The following CCDC170 variants were observed in gnomAD, a reference collection of about 807,000 sequenced individuals.
CCDC170 encodes the protein coiled-coil domain containing 170, also known as coiled-coil domain-containing protein 170.
In CCDC170, 69 loss-of-function variants were observed where a neutral mutation model predicts 72.6. That is an observed-to-expected ratio of 0.95 (90% confidence interval 0.78 to 1.16). The LOEUF is 1.16. CCDC170 is among the 50% of genes most tolerant of loss of function. The pLI, the probability that CCDC170 is intolerant of heterozygous loss-of-function variation, is 0.00. For missense variants in CCDC170, 852 were observed against 832.5 expected (o/e 1.02, Z -0.29); for synonymous variants, 300 against 303.9 (o/e 0.99, Z 0.13).
chr6:151,519,718 G>A (rs980918008), intron 1 of CCDC170, among the ~76,000 whole-genome samples: 10 of 152,276 alleles, frequency 6.6e-5, no homozygotes, highest in Non-Finnish European at 1.3e-4. Context: ...TTATTCATGA[G>A]TTTTCTAGGA....
intron 5 of CCDC170, among the ~76,000 whole-genome samples, chr6:151,550,860 A>T (rs1280652590): frequency 6.6e-6 from 1 of 152,188 alleles, no homozygotes; most frequent in Non-Finnish European, 1.5e-5. Context: ...CCCACCCTCA[A>T]AACTTCATCT....
chr6:151,555,686 A>T (rs987027528), intron 5 of CCDC170, among the ~76,000 whole-genome samples: 1 of 152,214 alleles, frequency 6.6e-6, no homozygotes, highest in African/African-American at 2.4e-5. Context: ...TAGAGTCTCT[A>T]TAATTCAACT....
chr6:151,608,078 A>T (rs1644343841), intron 9 of CCDC170, among the ~76,000 whole-genome samples: 1 of 152,100 alleles, frequency 6.6e-6, no homozygotes, highest in South Asian at 2.1e-4. Context: ...AGGTTTAGAA[A>T]TTATTTCTTC....
chr6:151,572,811 C>A (rs7741872), intron 5 of CCDC170, among the ~76,000 whole-genome samples: 7 of 151,420 alleles, frequency 4.6e-5, no homozygotes, highest in South Asian at 2.1e-4. Flanking sequence ...CACTATGCCC[C>A]GCTAAGTTTT....
At chr6:151,563,664 T>G (rs1021930090) in intron 5 of CCDC170, among the ~76,000 whole-genome samples, 1 of 152,114 alleles carries the variant, frequency 6.6e-6, no homozygotes, top group Admixed American at 6.5e-5. Flanking sequence ...TGTGGGCACG[T>G]CTGTGTGAGC....
At chr6:151,616,201 T>C (rs761978535) in intron 10 of CCDC170, among the ~76,000 whole-genome samples, 1 of 152,154 alleles carries the variant, frequency 6.6e-6, no homozygotes, top group Non-Finnish European at 1.5e-5. Context: ...GCCTTATCTG[T>C]AGCAGAGATC....
At chr6:151,577,882 C>T (rs1776326833) in intron 6 of CCDC170, among the ~76,000 whole-genome samples, 1 of 152,180 alleles carries the variant, frequency 6.6e-6, no homozygotes. Context: ...CCCTGATGAT[C>T]TGAGGTGAAA....
At chr6:151,608,709 G>A (rs1279022079) in intron 9 of CCDC170, among the ~76,000 whole-genome samples, 2 of 152,168 alleles carry the variant, frequency 1.3e-5, no homozygotes, top group East Asian at 3.9e-4. Flanking sequence ...ATGCAGAGAT[G>A]AGGTGGTCCC....
intron 1 of CCDC170, among the ~76,000 whole-genome samples, chr6:151,514,053 C>T (rs1286229940): frequency 6.6e-6 from 1 of 150,904 alleles, no homozygotes; most frequent in East Asian, 1.9e-4. Context: ...ATAAATAAAG[C>T]AAGATGAGCA....
chr6:151,529,758 A>T (rs1161265705), intron 1 of CCDC170, among the ~76,000 whole-genome samples: 4 of 152,212 alleles, frequency 2.6e-5, no homozygotes, highest in Non-Finnish European at 5.9e-5. Flanking sequence ...TGGAGAGTGG[A>T]GCGGCAGTGT....
At chr6:151,594,886 G>A (rs1007935714) in intron 8 of CCDC170, among the ~76,000 whole-genome samples, 5 of 152,046 alleles carry the variant, frequency 3.3e-5, no homozygotes, top group African/African-American at 1.2e-4. Flanking sequence ...CCTGACCTCA[G>A]GTGATCCACC....
In CCDC170 at chr6:151,584,463, G is replaced by A. The variant is rs556069131; in HGVS notation, c.1093-1426G>A. 1.1e-4 allele frequency among the ~76,000 whole-genome samples: 16 copies of A among 152,194 alleles called. 1 individual carries two copies. The South Asian group carries it at 2.5e-3, about 24-fold the overall frequency. On this transcript the variant is annotated intron_variant, in intron 6 of 10. Coordinates refer to ENST00000239374, the MANE Select transcript of CCDC170 (RefSeq NM_025059.4). Reference sequence around the variant, plus strand: ...AAATGTTAATTAAGAATTTCAAACGGCATGAGAATAATTAGGTAAAAACAA... The same window carrying A: ...AAATGTTAATTAAGAATTTCAAACGACATGAGAATAATTAGGTAAAAACAA...
Position 151,618,399 on chromosome 6 carries a change from G to C in CCDC170, c.*252G>C. ...GAATTCCACCAGATTGCATGAGTTA[G>C]ATTGGGAAATGGGAGTGGGAGATAA... On this transcript the variant is annotated 3_prime_UTR_variant, in exon 11 of 11. Transcript: ENST00000239374. The C allele has an allele frequency of 2.1e-6, 1 of 480,420 alleles. No individual in the cohort carries two copies. Among genetic ancestry groups the C allele is most frequent in the South Asian group, 3.1e-5 (1 of 32,174 alleles). 29.8% of individuals were successfully genotyped at this position (480,420 alleles called of 1,614,324 possible).
At chr6:151,545,342 C>T (rs1782754791) in intron 4 of CCDC170, among the ~76,000 whole-genome samples, 1 of 152,006 alleles carries the variant, frequency 6.6e-6, no homozygotes, top group Non-Finnish European at 1.5e-5. Flanking sequence ...TCACTTGAAC[C>T]AGGAGGCGGA....
intron 9 of CCDC170, among the ~76,000 whole-genome samples, chr6:151,611,643 A>G (rs1023940): frequency 0.58 from 87,201 of 151,496 alleles, 26,873 homozygotes; most frequent in African/African-American, 0.81. Context: ...GGACACAAAC[A>G]TTCAGACTGT....
intron 1 of CCDC170, among the ~76,000 whole-genome samples, chr6:151,503,722 G>A (rs1453051997): frequency 1.3e-5 from 2 of 152,084 alleles, no homozygotes; most frequent in Non-Finnish European, 2.9e-5. Flanking sequence ...CAAAGTGCTG[G>A]GATTACAAGG....
At chr6:151,530,444 T>C (rs1347645840) in intron 1 of CCDC170, among the ~76,000 whole-genome samples, 1 of 149,692 alleles carries the variant, frequency 6.7e-6, no homozygotes, top group East Asian at 1.9e-4. Context: ...ATAATAATAA[T>C]TATTATTATT....
chr6:151,520,097 C>A (rs1782295698), intron 1 of CCDC170, among the ~76,000 whole-genome samples: 1 of 152,196 alleles, frequency 6.6e-6, no homozygotes, highest in Admixed American at 6.5e-5. Context: ...ACTCTGGTTC[C>A]AATGCCTCTG....
At chr6:151,595,206 G>A (rs1776603168) in intron 8 of CCDC170, among the ~76,000 whole-genome samples, 1 of 152,126 alleles carries the variant, frequency 6.6e-6, no homozygotes. Flanking sequence ...TATAGCAGAT[G>A]ACAGAGGTTT....
Sources: allele counts gnomAD v4.1 joint callset (sites outside exome capture counted in the v4.1 genomes callset), GRCh38; gene constraint gnomAD v4.1.1; transcripts MANE v1.5; gene names NCBI Gene and HGNC (gene_info 2026-07-23, HGNC 2026-07-21).